Variants in ACSM2A observed in about 807,000 individuals in gnomAD.
ACSM2A encodes acyl-coenzyme A synthetase ACSM2A, mitochondrial.
Under a neutral mutation model 76.6 loss-of-function variants are expected in ACSM2A, and 72 were observed. That is an observed-to-expected ratio of 0.94 (90% CI 0.78 to 1.14). ACSM2A has a LOEUF of 1.14. Ranked by LOEUF, ACSM2A falls within the 50% of genes most tolerant of loss-of-function variation. ACSM2A has a pLI of 0.00. For synonymous variants in ACSM2A, 249 were observed against 255.9 expected (o/e 0.97, Z 0.26); for missense variants, 684 against 708.5 (o/e 0.97, Z 0.39).
Position 20,471,652 on chromosome 16 carries a change from A to G in ACSM2A, c.857A>G (p.His286Arg), listed in dbSNP as rs1444015134. The change falls in exon 6 of 14, where the codon CAT becomes CGT. Residue 286 changes from histidine (H) to arginine (R), a missense_variant. Around this residue, in one of 3 missense-constraint regions of ACSM2A, gnomAD observed 519 missense variants for 549.5 expected, o/e 0.94. Coordinates refer to ENST00000573854, the MANE Select transcript of ACSM2A (RefSeq NM_001308172.2). ...GCATTAGGAGCATGCACATTTGTTC[A>G]TCTCTTGCCAAAGTTTGACCCACTG... ...PWALGACTFV[H>R]LLPKFDPLVI... 1.9e-6 allele frequency: 3 copies of G among 1,613,954 alleles called. No homozygotes were observed. Among genetic ancestry groups the G allele is most frequent in the Non-Finnish European group, 2.5e-6 (3 of 1,179,870 alleles).
chr16:20,475,542 G>A, intron 7 of ACSM2A, 101 bp downstream of exon 7: 2 of 1,602,520 alleles, frequency 1.2e-6, no homozygotes, highest in Non-Finnish European at 1.7e-6. Context: ...CACACAGAGA[G>A]CCCCATGAAG....
chr16:20,483,114 G>C lies in ACSM2A; in HGVS notation c.1566G>C (p.Gln522His). Residue 522 changes from glutamine to histidine, a missense_variant, in exon 13 of 14, where the codon CAG becomes CAC. Physicochemically the swap from Gln to His is conservative, Grantham distance 24 (BLOSUM62 0). Coordinates refer to ENST00000573854, the MANE Select transcript of ACSM2A (RefSeq NM_001308172.2). The stretch of plus-strand genomic sequence containing the variant: ...AGTTCCTGTCCCATGACCCAGAACA[G>C]CTCACCAAGGAGCTGCAGCAGCATG... Reference protein sequence around the residue: ...ASQFLSHDPEQLTKELQQHVK... With the variant: ...ASQFLSHDPEHLTKELQQHVK... 1 of 1,614,072 alleles carries C rather than the reference G, an allele frequency of 6.2e-7. No homozygotes were observed. Among genetic ancestry groups the C allele is most frequent in the Non-Finnish European group, 8.5e-7 (1 of 1,179,980 alleles).
chr16:20,479,286 A>G (rs1420931691), intron 10 of ACSM2A, among the ~76,000 whole-genome samples: 5 of 152,198 alleles, frequency 3.3e-5, no homozygotes, highest in African/African-American at 9.7e-5. Flanking sequence ...AATAAACTAA[A>G]TAAACAATAA....
At position 20,480,569 on chromosome 16, in the gene ACSM2A, C is replaced by G; in HGVS notation, c.1282-4C>G. The G allele has an allele frequency of 6.2e-7, 1 of 1,613,692 alleles. No individual in the cohort carries two copies. Among genetic ancestry groups the G allele is most frequent in the South Asian group, 1.1e-5 (1 of 91,018 alleles). ...CAATGACTCTGTCTTTCTGTGGTCA[C>G]CAGGACAATCCCGACAAGACAGCAG... On this transcript the variant is annotated splice_polypyrimidine_tract_variant and splice_region_variant and intron_variant, in intron 10 of 13. Transcript: ENST00000573854.
At position 20,486,744 on chromosome 16, in the gene ACSM2A, G is replaced by A; in HGVS notation, c.*66G>A. 1.9e-6 allele frequency: 3 copies of A among 1,570,444 alleles called. No homozygotes were observed. The highest frequency in any genetic ancestry group is 2.6e-6 in the Non-Finnish European group (3 of 1,143,724). ...TCTTTCTTTTCCCTTTGGGCCCTTG[G>A]CCTTCCTATGATTATATGAGATTCT... On this transcript the variant is annotated 3_prime_UTR_variant, in exon 14 of 14. Coordinates refer to ENST00000573854, the MANE Select transcript of ACSM2A (RefSeq NM_001308172.2).
At chr16:20,480,490 T>C in intron 10 of ACSM2A, 83 bp from the exon 11 acceptor site, 1 of 1,538,118 alleles carries the variant, frequency 6.5e-7, no homozygotes. Flanking sequence ...TTAATAAGAC[T>C]CATAGCATTT....
In ACSM2A at chr16:20,471,574, T is replaced by C. The variant is rs776084651; in HGVS notation, c.779T>C (p.Ile260Thr). Reference protein sequence around the residue: ...GLQASDIMWTISDTGWILNIL... With the variant: ...GLQASDIMWTTSDTGWILNIL... ...CAAGCCTCTGATATAATGTGGACCA[T>C]ATCAGACACAGGTTGGATACTGAAC... The change falls in exon 6 of 14, where the codon ATA becomes ACA. Residue 260 changes from isoleucine (I) to threonine (T), a missense_variant. By Grantham distance (89) the Ile-to-Thr change is moderately conservative. Coordinates refer to ENST00000573854, the MANE Select transcript of ACSM2A (RefSeq NM_001308172.2). The C allele has an allele frequency of 3.1e-6, 5 of 1,614,048 alleles. No homozygotes were observed. The highest frequency in any genetic ancestry group is 1.7e-4 in the Middle Eastern group (1 of 6,060).
At chr16:20,465,144 GGAATTGCA>G (rs1253815137) in intron 2 of ACSM2A, among the ~76,000 whole-genome samples, 1 of 151,912 alleles carries the variant, frequency 6.6e-6, no homozygotes, top group African/African-American at 2.4e-5. Context: ...GACGTTAAAG[GGAATTGCA>G]GAATAAATAG....
rs1403123638 is a variant in ACSM2A, at chr16:20,483,070, T to C, written c.1522T>C (p.Phe508Leu). 4 of 1,613,928 alleles carry C rather than the reference T, an allele frequency of 2.5e-6. No homozygotes were observed. The highest frequency in any genetic ancestry group is 3.4e-6 in the Non-Finnish European group (4 of 1,179,886). The change falls in exon 13 of 14, where the codon TTT becomes CTT. Residue 508 changes from phenylalanine (F) to leucine (L), a missense_variant. By Grantham distance (22) the Phe-to-Leu change is conservative (BLOSUM62 0). This residue lies in a region of ACSM2A where 159 missense variants were observed against 132.5 expected (regional missense o/e 1.20). Coordinates refer to ENST00000573854, the MANE Select transcript of ACSM2A (RefSeq NM_001308172.2). Reference sequence around the variant, plus strand: ...ATCTTTTTTGCAGGTGGTGAAGGCATTTGTGGTCCTGGCCTCGCAGTTCCT... The same window carrying C: ...ATCTTTTTTGCAGGTGGTGAAGGCACTTGTGGTCCTGGCCTCGCAGTTCCT... ...DPVRGEVVKA[F>L]VVLASQFLSH...
intron 13 of ACSM2A, among the ~76,000 whole-genome samples, chr16:20,483,619 G>C (rs1388313606): frequency 1.6e-5 from 1 of 62,930 alleles, no homozygotes. Flanking sequence ...CTATGATCAA[G>C]AAAGCCCAGA....
At chr16:20,481,195 C>G (rs1380794402) in intron 12 of ACSM2A, 10 of 448,010 alleles carry the variant, frequency 2.2e-5, no homozygotes, top group Admixed American at 1.1e-4. Flanking sequence ...ACAGAACTAC[C>G]ATACGATCCA....
At chr16:20,473,432 A>G (rs961097043) in intron 6 of ACSM2A, among the ~76,000 whole-genome samples, 4 of 152,210 alleles carry the variant, frequency 2.6e-5, no homozygotes, top group African/African-American at 9.7e-5. Flanking sequence ...AAGGAGAAAT[A>G]TAGCAAATGA....
At chr16:20,480,047 A>G (rs1322926192) in intron 10 of ACSM2A, among the ~76,000 whole-genome samples, 3 of 152,206 alleles carry the variant, frequency 2.0e-5, no homozygotes, top group Non-Finnish European at 2.9e-5. Flanking sequence ...CTGACAAGGG[A>G]TAAACCTCAA....
At chr16:20,479,746 A>G (rs926395788) in intron 10 of ACSM2A, among the ~76,000 whole-genome samples, 1 of 152,176 alleles carries the variant, frequency 6.6e-6, no homozygotes, top group African/African-American at 2.4e-5. Context: ...CAGAAAAGGA[A>G]ACAGACTCAG....
rs540670194 is a variant in ACSM2A at position 20,480,986 on chromosome 16, T to C, written c.1509+65T>C. 85 of 1,593,578 alleles carry C rather than the reference T, an allele frequency of 5.3e-5. 1 individual carries two copies. In the African/African-American group the frequency reaches 1.0e-3, roughly 19 times the overall value. On this transcript the variant is annotated intron_variant, in intron 12 of 13. Coordinates refer to ENST00000573854, the MANE Select transcript of ACSM2A (RefSeq NM_001308172.2). The stretch of plus-strand genomic sequence containing the variant: ...ACACAAGGGCAGTGTAGTATGATGG[T>C]TTAAGAACAGGGACTGTGGGGCTGA...
At chr16:20,459,858 T>C (rs547507029) in intron 1 of ACSM2A, among the ~76,000 whole-genome samples, 1 of 152,258 alleles carries the variant, frequency 6.6e-6, no homozygotes, top group African/African-American at 2.4e-5. Context: ...GAAATGGGCG[T>C]TCACAAAACT....
intron 3 of ACSM2A, among the ~76,000 whole-genome samples, chr16:20,469,002 A>G (rs1278000010): frequency 6.6e-6 from 1 of 152,220 alleles, no homozygotes; most frequent in Non-Finnish European, 1.5e-5. Flanking sequence ...AAATATATAC[A>G]ACTATACTTT....
chr16:20,472,737 T>C (rs1370359627), intron 6 of ACSM2A, among the ~76,000 whole-genome samples: 1 of 151,976 alleles, frequency 6.6e-6, no homozygotes, highest in East Asian at 1.9e-4. Flanking sequence ...CCAAATTATA[T>C]GTAATCTTTT....
chr16:20,455,747 C>A (rs1325356217), intron 1 of ACSM2A, among the ~76,000 whole-genome samples: 1 of 143,798 alleles, frequency 7.0e-6, no homozygotes, highest in African/African-American at 2.9e-5. Flanking sequence ...AAAAAAAAAA[C>A]CCAAGCTACA....
Sources: allele counts gnomAD v4.1 joint callset (sites outside exome capture counted in the v4.1 genomes callset), GRCh38; gene constraint gnomAD v4.1.1; regional missense constraint gnomAD v4.1.1; transcripts MANE v1.5; gene names NCBI Gene and HGNC (gene_info 2026-07-23, HGNC 2026-07-21).